ZPBP: variants seen among roughly 807,000 people sequenced by gnomAD.
ZPBP encodes zona pellucida binding protein.
A neutral mutation model predicts 44.8 loss-of-function variants in ZPBP; 26 were observed. The observed-to-expected ratio is 0.58, with a 90% CI of 0.43 to 0.81. The LOEUF is 0.81. ZPBP is among the 30% of genes least tolerant of loss of function. The pLI is 0.00. For missense variants in ZPBP, 409 were observed against 434.0 expected (o/e 0.94, Z 0.51); for synonymous variants, 174 against 153.2 (o/e 1.14, Z -1.00).
intron 4 of ZPBP, among the ~76,000 whole-genome samples, chr7:50,036,911 T>G (rs1799853834): frequency 6.6e-6 from 1 of 151,406 alleles, no homozygotes; most frequent in Non-Finnish European, 1.5e-5. Context: ...ATAATTATAA[T>G]TTAGGTAGAA....
chr7:49,915,647 T>A (rs1352281542), intron 1 of ZPBP: 1 of 152,158 alleles, frequency 6.6e-6, no homozygotes, highest in Non-Finnish European at 1.5e-5. Flanking sequence ...GGAAACTAAA[T>A]CCATTATTTT....
At chr7:49,971,005 C>T (rs1430353232) in intron 7 of ZPBP, among the ~76,000 whole-genome samples, 1 of 152,088 alleles carries the variant, frequency 6.6e-6, no homozygotes, top group African/African-American at 2.4e-5. Flanking sequence ...GATTGTGTCA[C>T]TGTAGTCCAG....
chr7:50,027,951 C>T (rs1799415748), intron 5 of ZPBP, among the ~76,000 whole-genome samples: 1 of 151,670 alleles, frequency 6.6e-6, no homozygotes. Flanking sequence ...AAACCAGAAC[C>T]CAAAGGCCTC....
chr7:49,886,696 T>C (rs1237971933), intron 2 of ZPBP, among the ~76,000 whole-genome samples: 4 of 152,186 alleles, frequency 2.6e-5, no homozygotes, highest in Admixed American at 6.5e-5. Context: ...GATTATTTTG[T>C]CACCTATTAT....
chr7:49,975,630 G>T (rs1043165422), intron 7 of ZPBP, among the ~76,000 whole-genome samples: 10 of 152,248 alleles, frequency 6.6e-5, no homozygotes, highest in Admixed American at 3.9e-4. Context: ...TTCTCATTGT[G>T]AATCTCTATA....
chr7:49,850,382 T>G (rs552186177), downstream of ZPBP: 1 of 152,250 alleles, frequency 6.6e-6, no homozygotes, highest in Non-Finnish European at 1.5e-5. Flanking sequence ...GCCAGTGCCA[T>G]GACATAGCTT....
chr7:50,087,953 G>T (rs1415038807), intron 2 of ZPBP, among the ~76,000 whole-genome samples: 1 of 151,964 alleles, frequency 6.6e-6, no homozygotes, highest in Non-Finnish European at 1.5e-5. Context: ...ATATGGAATT[G>T]CAAGGGACCC....
chr7:49,977,108 A>AATAAATAAATAAATAAATAC (rs1466497218), intron 7 of ZPBP, among the ~76,000 whole-genome samples: 2 of 150,352 alleles, frequency 1.3e-5, no homozygotes, highest in East Asian at 3.9e-4. Flanking sequence ...TCTCTAAATA[A>AATAAATAAATAAATAAATAC]ATAAATAAAT....
chr7:50,063,153 A>G (rs1027409612), intron 3 of ZPBP, among the ~76,000 whole-genome samples: 6 of 152,238 alleles, frequency 3.9e-5, no homozygotes, highest in Admixed American at 1.3e-4. Context: ...CTAGAGACAC[A>G]GGGTCTTCAC....
Position 49,950,805 on chromosome 7 carries a change from T to TA in ZPBP, c.962-13184dup, listed in dbSNP as rs548714589. 1.1e-4 allele frequency among the ~76,000 whole-genome samples: 16 copies of TA among 151,696 alleles called. No homozygotes were observed. In the South Asian group the frequency reaches 3.3e-3, roughly 31 times the overall value. The stretch of plus-strand genomic sequence containing the variant: ...GGGTCCAAAATACTCAAAACATATT[T>TA]AAAAAAATGAACAAAGCTTCCAGTT... On this transcript the variant is annotated intron_variant, in intron 7 of 7. Coordinates refer to ENST00000046087, the MANE Select transcript of ZPBP (RefSeq NM_007009.3).
intron 2 of ZPBP, among the ~76,000 whole-genome samples, chr7:49,867,525 C>T (rs1300113596): frequency 6.6e-6 from 1 of 152,182 alleles, no homozygotes; most frequent in Non-Finnish European, 1.5e-5. Flanking sequence ...CTGACATAGT[C>T]TTCTTGTTCT....
chr7:49,878,383 C>T (rs1363456817), intron 2 of ZPBP, among the ~76,000 whole-genome samples: 1 of 152,058 alleles, frequency 6.6e-6, no homozygotes, highest in Admixed American at 6.6e-5. Context: ...TGTAGTATTT[C>T]CTTTAGTAAA....
At chr7:49,896,757 A>T (rs1308998394) in intron 2 of ZPBP, among the ~76,000 whole-genome samples, 7 of 151,956 alleles carry the variant, frequency 4.6e-5, no homozygotes. Flanking sequence ...ATTATCAGCG[A>T]CTCTATGCAC....
chr7:49,912,205 C>G (rs1338334684), intron 1 of ZPBP: 3 of 1,612,640 alleles, frequency 1.9e-6, no homozygotes. Context: ...AGAACACAAA[C>G]TCTGACTTTT....
intron 7 of ZPBP, among the ~76,000 whole-genome samples, chr7:49,980,283 T>C (rs1217243273): frequency 9.1e-5 from 7 of 76,664 alleles, no homozygotes; most frequent in African/African-American, 3.1e-4. Context: ...ATAATATATA[T>C]AATATAAATA....
At chr7:49,958,159 G>A (rs1019407971) in intron 7 of ZPBP, among the ~76,000 whole-genome samples, 4 of 152,084 alleles carry the variant, frequency 2.6e-5, no homozygotes, top group East Asian at 3.9e-4. Flanking sequence ...ATTTCACAGG[G>A]TCACAGCTGG....
At chr7:49,885,912 C>A (rs1047931882) in intron 2 of ZPBP, among the ~76,000 whole-genome samples, 1 of 152,246 alleles carries the variant, frequency 6.6e-6, no homozygotes, top group Admixed American at 6.5e-5. Context: ...GGAATCAAGA[C>A]CTCCGTGATT....
At chr7:50,091,517 C>T (rs1171185342) in intron 1 of ZPBP, among the ~76,000 whole-genome samples, 1 of 152,128 alleles carries the variant, frequency 6.6e-6, no homozygotes, top group Non-Finnish European at 1.5e-5. Context: ...AAATCTAGGA[C>T]CTGAAACTAT....
intron 6 of ZPBP, among the ~76,000 whole-genome samples, chr7:50,013,646 T>A (rs978650771): frequency 1.3e-5 from 2 of 152,040 alleles, no homozygotes; most frequent in East Asian, 3.8e-4. Context: ...CTTTACCCAA[T>A]TAAAATCTTT....
Sources: allele counts gnomAD v4.1 joint callset (sites outside exome capture counted in the v4.1 genomes callset), GRCh38; gene constraint gnomAD v4.1.1; transcripts MANE v1.5; gene names NCBI Gene and HGNC (gene_info 2026-07-23, HGNC 2026-07-21).